The following ISG20L2 variants were observed in gnomAD, a reference collection of about 807,000 sequenced individuals.
ISG20L2 encodes the protein interferon-stimulated 20 kDa exonuclease-like 2.
In ISG20L2, 14 loss-of-function variants were observed where a neutral mutation model predicts 27.8. The ratio of observed to expected loss-of-function variants is 0.50; its 90% CI spans 0.33 to 0.79. The LOEUF (loss-of-function observed/expected upper bound fraction) is 0.79, where lower values mean the gene tolerates loss of function less well. ISG20L2 is among the 30% of genes least tolerant of loss of function. The probability of loss-of-function intolerance (pLI) is 0.02; values close to 1 mark genes in which losing one functional copy is unlikely to be tolerated. For synonymous variants in ISG20L2, 157 were observed against 165.7 expected (o/e 0.95, Z 0.40); for missense variants, 393 against 435.1 (o/e 0.90, Z 0.86).
At chr1:156,723,719 T>G (rs974508916) in intron 3 of ISG20L2, 35 of 985,322 alleles carry the variant, frequency 3.6e-5, no homozygotes, top group Non-Finnish European at 4.2e-5. Flanking sequence ...TCTGTAGAGA[T>G]AGAACATACC....
chr1:156,726,147 T>C (rs1202042279), intron 2 of ISG20L2: 2 of 985,354 alleles, frequency 2.0e-6, no homozygotes, highest in African/African-American at 3.5e-5. Flanking sequence ...ACTGGTTACC[T>C]GTTCCAGTTG....
chr1:156,727,182 C>T lies in ISG20L2; in HGVS notation c.471G>A (p.Gln157=), dbSNP rs138574933. The change falls in exon 2 of 4, where the codon CAG becomes CAA. Residue 157 remains glutamine (Q), a synonymous_variant. Coordinates refer to ENST00000368219, the MANE Select transcript of ISG20L2 (RefSeq NM_001370150.2). ...TCTCTGAATGAGCTTGGGTGGAGTT[C>T]TGTGGGGCATTCTTCTGAGGATGGT... ...KKNHPQKNAP[Q]NSTQAHSENK... 1.2e-6 allele frequency: 2 copies of T among 1,613,958 alleles called. No homozygotes were observed. The highest frequency in any genetic ancestry group is 2.2e-5 in the South Asian group (2 of 91,086).
In ISG20L2 at chr1:156,727,181, T is replaced by C. The variant is rs1648816894; in HGVS notation, c.472A>G (p.Asn158Asp). Residue 158 changes from asparagine (N) to aspartate (D), a missense_variant, in exon 2 of 4, where the codon AAC (asparagine) becomes GAC (aspartate). Around this residue, in one of 3 missense-constraint regions of ISG20L2, gnomAD observed 39 missense variants for 71.6 expected, o/e 0.54. Coordinates refer to ENST00000368219, the MANE Select transcript of ISG20L2 (RefSeq NM_001370150.2). ...KNHPQKNAPQ[N>D]STQAHSENKC... ...TTCTCTGAATGAGCTTGGGTGGAGTTCTGTGGGGCATTCTTCTGAGGATGG... is the reference window on the plus strand; with the variant it reads ...TTCTCTGAATGAGCTTGGGTGGAGTCCTGTGGGGCATTCTTCTGAGGATGG... The C allele has an allele frequency of 6.2e-7, 1 of 1,614,004 alleles. No homozygotes were observed. The highest frequency in any genetic ancestry group is 8.5e-7 in the Non-Finnish European group (1 of 1,180,042).
At position 156,726,974 on chromosome 1, in the gene ISG20L2, T is replaced by C; in HGVS notation, c.679A>G (p.Thr227Ala). Residue 227 changes from threonine to alanine, a missense_variant, in exon 2 of 4, where the codon ACC becomes GCC. Thr to Ala is a moderately conservative substitution (Grantham distance 58). This residue lies in a region of ISG20L2 where 171 missense variants were observed against 195.3 expected (regional missense o/e 0.88). Coordinates refer to ENST00000368219, the MANE Select transcript of ISG20L2 (RefSeq NM_001370150.2). ...TGCTTCCGGATACCACTCCACCTGGTTCGGTAGTCCACAATGTGGCAGGGG... is the reference window on the plus strand; with the variant it reads ...TGCTTCCGGATACCACTCCACCTGGCTCGGTAGTCCACAATGTGGCAGGGG... ...LPPCHIVDYRTRWSGIRKQHM... is the reference protein window; with the variant it reads ...LPPCHIVDYRARWSGIRKQHM... The C allele has an allele frequency of 6.2e-7, 1 of 1,614,206 alleles. No individual in the cohort carries two copies.
At chr1:156,725,822 C>G (rs992671736) in intron 2 of ISG20L2, 1 of 971,468 alleles carries the variant, frequency 1.0e-6, no homozygotes, top group Admixed American at 6.2e-5. Flanking sequence ...ATGTTTAACT[C>G]TTCTTTCCGT....
chr1:156,726,758 G>A (rs1648782183), intron 2 of ISG20L2, 148 bp downstream of exon 2: 6 of 1,443,882 alleles, frequency 4.2e-6, no homozygotes, highest in Non-Finnish European at 5.4e-6. Context: ...TTCTTCCACC[G>A]ACAGGGGGCC....
In ISG20L2 at chr1:156,723,408, A is replaced by G. The variant is rs1648621488; in HGVS notation, c.1003T>C (p.Tyr335His). 1 of 1,614,086 alleles carries G rather than the reference A, an allele frequency of 6.2e-7. No homozygotes were observed. Among genetic ancestry groups the G allele is most frequent in the South Asian group, 1.1e-5 (1 of 91,086 alleles). Residue 335 changes from tyrosine (Y) to histidine (H), a missense_variant, in exon 4 of 4, where the codon TAT becomes CAT. Transcript: ENST00000368219. ...VEDAQATMEL[Y>H]KLVEVEWEEH... ...TCCCACTCGACTTCAACCAACTTAT[A>G]TAGCTCCATGGTGGCCTGGGCATCT...
rs1271314309 is a variant in ISG20L2, at chr1:156,722,587, C to T, written c.*762G>A. On this transcript the variant is annotated 3_prime_UTR_variant, in exon 4 of 4. Coordinates refer to ENST00000368219, the MANE Select transcript of ISG20L2 (RefSeq NM_001370150.2). ...GGCAGGGACCACACAATTTATTAAC[C>T]AACCAGGTTAATAAATTCTTTTTTT... 6.7e-6 allele frequency: 1 copy of T among 148,912 alleles called. No individual in the cohort carries two copies. The highest frequency in any genetic ancestry group is 1.5e-5 in the Non-Finnish European group (1 of 67,406). The allele number at this position is 148,912 out of a possible 1,614,324, so 9.2% of individuals were successfully genotyped here.
Position 156,727,664 on chromosome 1 carries a change from A to T in ISG20L2, c.-12T>A, listed in dbSNP as rs1460993330. 3.1e-6 allele frequency: 5 copies of T among 1,604,438 alleles called. No individual in the cohort carries two copies. In the South Asian group the frequency reaches 4.4e-5, roughly 14 times the overall value. On this transcript the variant is annotated 5_prime_UTR_variant, in exon 2 of 4. Coordinates refer to ENST00000368219, the MANE Select transcript of ISG20L2 (RefSeq NM_001370150.2). ...AGTAAAGTAGACATAGGGACAATGGAAGGCGGAAGAGTAGTTGGGAAGAGT... is the reference window on the plus strand; with the variant it reads ...AGTAAAGTAGACATAGGGACAATGGTAGGCGGAAGAGTAGTTGGGAAGAGT...
intron 1 of ISG20L2, chr1:156,728,170 G>A (rs1411286973): frequency 1.0e-6 from 1 of 986,510 alleles, no homozygotes; most frequent in Admixed American, 6.1e-5. Flanking sequence ...TAACCTCTGG[G>A]CTACCCAGGC....
intron 3 of ISG20L2, 153 bp downstream of exon 3, chr1:156,723,995 G>T: frequency 8.7e-7 from 1 of 1,149,562 alleles, no homozygotes; most frequent in Non-Finnish European, 1.2e-6. Context: ...GTAGACAACA[G>T]GAATTATTAT....
At position 156,728,516 on chromosome 1, in the gene ISG20L2, C is replaced by A. The variant is rs1424688223; in HGVS notation, c.-219G>T. The A allele has an allele frequency of 1.0e-6, 1 of 985,512 alleles. No individual in the cohort carries two copies. The highest frequency in any genetic ancestry group is 1.2e-6 in the Non-Finnish European group (1 of 829,934). 61.0% of individuals were successfully genotyped at this position (985,512 alleles called of 1,614,324 possible). On this transcript the variant is annotated 5_prime_UTR_variant, in exon 1 of 4. Coordinates refer to ENST00000368219, the MANE Select transcript of ISG20L2 (RefSeq NM_001370150.2). The stretch of plus-strand genomic sequence containing the variant: ...GAAGGCAGGCGCGCGGGTTAGAACG[C>A]GCCAGAGGTCGGCGCGCGCACACCC...
rs1326221339 is a variant in ISG20L2, at chr1:156,724,201, C to A, written c.895G>T (p.Ala299Ser). The A allele has an allele frequency of 6.2e-7, 1 of 1,613,436 alleles. No homozygotes were observed. Among genetic ancestry groups the A allele is most frequent in the Non-Finnish European group, 8.5e-7 (1 of 1,179,932 alleles). The change falls in exon 3 of 4, where the codon GCC (alanine) becomes TCC (serine). Residue 299 changes from alanine to serine, a missense_variant. Physicochemically the swap from Ala to Ser is moderately conservative, Grantham distance 99 (BLOSUM62 1). Around this residue, in one of 3 missense-constraint regions of ISG20L2, gnomAD observed 171 missense variants for 195.3 expected, o/e 0.88. Transcript: ENST00000368219. ...LNRKADCPEN[A>S]TMSLKHLTKK... is the part of the protein sequence containing the mutation. The stretch of plus-strand genomic sequence containing the variant: ...GTGAGATGCTTCAGAGACATGGTGG[C>A]ATTCTCCGGGCAGTCAGCCTTCCGG...
At chr1:156,726,093 A>C (rs755315080) in intron 2 of ISG20L2, 155 of 985,288 alleles carry the variant, frequency 1.6e-4, no homozygotes, top group Non-Finnish European at 1.7e-4. Context: ...GCTAGGAGTG[A>C]GATGACAACC....
intron 2 of ISG20L2, chr1:156,724,651 T>G: frequency 5.3e-6 from 6 of 1,130,612 alleles, no homozygotes; most frequent in Non-Finnish European, 6.5e-6. Context: ...ATGTTTGAGA[T>G]GTCCATGTAT....
chr1:156,727,435 G>T lies in ISG20L2; in HGVS notation c.218C>A (p.Thr73Asn). 6.2e-7 allele frequency: 1 copy of T among 1,614,024 alleles called. No homozygotes were observed. Among genetic ancestry groups the T allele is most frequent in the Non-Finnish European group, 8.5e-7 (1 of 1,179,984 alleles). Residue 73 changes from threonine to asparagine, a missense_variant, in exon 2 of 4, where the codon ACC (threonine) becomes AAC (asparagine). Coordinates refer to ENST00000368219, the MANE Select transcript of ISG20L2 (RefSeq NM_001370150.2). ...TGTCTTCTTTTTTGGGAAGGAAGGG[G>T]TCTTCCAAGTGCCATCGACCGTAGG... ...ETPTVDGTWK[T>N]PSFPKKKTAA...
intron 2 of ISG20L2, chr1:156,724,619 C>T: frequency 8.3e-7 from 1 of 1,204,242 alleles, no homozygotes. Flanking sequence ...CATTAATTTG[C>T]CTTCAGTCCT....
intron 2 of ISG20L2, chr1:156,725,929 G>A (rs761131143): frequency 1.4e-5 from 14 of 985,450 alleles, no homozygotes; most frequent in African/African-American, 1.7e-5. Flanking sequence ...AGAGGGCAGA[G>A]TGTGGACCTG....
intron 3 of ISG20L2, 83 bp from the exon 4 acceptor site, chr1:156,723,545 C>T: frequency 6.3e-7 from 1 of 1,575,310 alleles, no homozygotes; most frequent in South Asian, 1.1e-5. Context: ...CTCCTCTTCC[C>T]CCTGCCTCCG....
Sources: gnomAD v4.1 joint callset for allele counts on GRCh38, gnomAD v4.1.1 for gene constraint, gnomAD v4.1.1 regional missense constraint, MANE v1.5 for transcripts, NCBI Gene and HGNC (gene_info 2026-07-23, HGNC 2026-07-21) for gene names.